UBP1: variants seen among roughly 807,000 people sequenced by gnomAD.
UBP1 encodes upstream-binding protein 1.
UBP1 carries 22 observed loss-of-function variants against 76.1 expected under a neutral mutation model. That is an observed-to-expected ratio of 0.29 (90% CI 0.21 to 0.41). The LOEUF (loss-of-function observed/expected upper bound fraction) is 0.41. Ranked by LOEUF, UBP1 falls within the 10% of genes least tolerant of loss-of-function variation. The pLI, the probability that UBP1 is intolerant of heterozygous loss-of-function variation, is 1.00. For synonymous variants in UBP1, 224 were observed against 237.1 expected, an observed-to-expected ratio of 0.94 and a Z score of 0.51; for missense variants, 436 against 668.1, an observed-to-expected ratio of 0.65 and a Z score of 3.83.
rs1455024534 is a variant in UBP1, at chr3:33,440,015, G to A, written c.-167C>T. The A allele has an allele frequency of 6.6e-6, 4 of 606,872 alleles. No individual in the cohort carries two copies. In the African/African-American group the frequency reaches 7.9e-5, roughly 12 times the overall value. The allele number at this position is 606,872 out of a possible 1,614,324, so 37.6% of individuals were successfully genotyped here. ...GAGAGCTGCGGGGGCCCCACTGGCA[G>A]GGCACGACGAGCCCAGCGAGCAATT... On this transcript the variant is annotated 5_prime_UTR_variant, in exon 1 of 16. Transcript: ENST00000283629.
intron 1 of UBP1, among the ~76,000 whole-genome samples, chr3:33,431,401 C>T (rs1360508296): frequency 1.3e-5 from 2 of 152,094 alleles, no homozygotes; most frequent in Non-Finnish European, 2.9e-5. Context: ...ATAAGAAATA[C>T]ACACCTAAAT....
chr3:33,402,849 G>A lies in UBP1; in HGVS notation c.983C>T (p.Ala328Val), dbSNP rs761777759. 1.2e-5 allele frequency: 20 copies of A among 1,609,012 alleles called. No individual in the cohort carries two copies. The highest frequency in any genetic ancestry group is 8.5e-5 in the Admixed American group (5 of 59,114). ...CTGCTGTGGGGAGGTGAAAGTGGGC[G>A]CTGGGGAAGGGCTGTTATTCACATA... ...TAYVNNSPSP[A>V]PTFTSPQQST... The change falls in exon 9 of 16, where the codon GCG (alanine) becomes GTG (valine). Residue 328 changes from alanine to valine, a missense_variant. By Grantham distance (64) the Ala-to-Val change is moderately conservative. This residue lies in a region of UBP1 where 210 missense variants were observed against 272.8 expected (regional missense o/e 0.77). Coordinates refer to ENST00000283629, the MANE Select transcript of UBP1 (RefSeq NM_014517.5).
chr3:33,392,347 T>C (rs1352539625), intron 15 of UBP1: 3 of 466,224 alleles, frequency 6.4e-6, no homozygotes, highest in Admixed American at 4.2e-5. Flanking sequence ...GCTGAATGAA[T>C]TGAGATTTTT....
intron 5 of UBP1, 48 bp from the exon 6 acceptor site, chr3:33,409,649 T>C: frequency 6.2e-7 from 1 of 1,612,036 alleles, no homozygotes. Flanking sequence ...TTCCACTGGT[T>C]ATTTTTCTAT....
intron 1 of UBP1, among the ~76,000 whole-genome samples, chr3:33,432,193 G>A (rs911488929): frequency 5.3e-5 from 8 of 151,688 alleles, no homozygotes; most frequent in African/African-American, 1.5e-4. Context: ...GCATGGTGGC[G>A]CATACTCATA....
intron 3 of UBP1, among the ~76,000 whole-genome samples, chr3:33,416,422 A>G (rs1211693324): frequency 6.6e-6 from 1 of 152,206 alleles, no homozygotes; most frequent in African/African-American, 2.4e-5. Flanking sequence ...TTTACAAGGT[A>G]AAGGATTTTT....
Position 33,402,850 on chromosome 3 carries a change from C to T in UBP1, c.982G>A (p.Ala328Thr). The change falls in exon 9 of 16, where the codon GCG becomes ACG. Residue 328 changes from alanine to threonine, a missense_variant. Around this residue, in one of 3 missense-constraint regions of UBP1, gnomAD observed 210 missense variants for 272.8 expected, o/e 0.77. Transcript: ENST00000283629. Reference sequence around the variant, plus strand: ...TGCTGTGGGGAGGTGAAAGTGGGCGCTGGGGAAGGGCTGTTATTCACATAG... The same window carrying T: ...TGCTGTGGGGAGGTGAAAGTGGGCGTTGGGGAAGGGCTGTTATTCACATAG... The part of the protein sequence containing the change: ...TAYVNNSPSP[A>T]PTFTSPQQST... 6.2e-7 allele frequency: 1 copy of T among 1,609,060 alleles called. No individual in the cohort carries two copies. The highest frequency in any genetic ancestry group is 8.5e-7 in the Non-Finnish European group (1 of 1,178,244).
In UBP1 at chr3:33,396,202, A is replaced by G. The variant is rs1419736396; in HGVS notation, c.1350T>C (p.Ala450=). The change falls in exon 13 of 16, where the codon GCT becomes GCC. Residue 450 remains alanine (A), a synonymous_variant. Transcript: ENST00000283629. The part of the protein sequence containing the change: ...SSTVLQGQQQ[A]ASSASENGSG... ...TGCCATTCTCGCTTGCACTGCTTGC[A>G]GCTTGCTGCTGCCCTTGCAGCACTG... 6.9e-6 allele frequency: 11 copies of G among 1,595,224 alleles called. No individual in the cohort carries two copies. Among genetic ancestry groups the G allele is most frequent in the Admixed American group, 1.7e-5 (1 of 59,754 alleles).
chr3:33,439,921 G>A lies in UBP1; in HGVS notation c.-73C>T. 2 of 1,554,232 alleles carry A rather than the reference G, an allele frequency of 1.3e-6. No individual in the cohort carries two copies. The highest frequency in any genetic ancestry group is 8.8e-7 in the Non-Finnish European group (1 of 1,138,542). ...GCGAAGGAGCCGGAGCTCCGCTGGC[G>A]CGTCCTGGGGGAGGGCGCGGGTGAA... On this transcript the variant is annotated 5_prime_UTR_variant, in exon 1 of 16. Coordinates refer to ENST00000283629, the MANE Select transcript of UBP1 (RefSeq NM_014517.5).
intron 1 of UBP1, among the ~76,000 whole-genome samples, chr3:33,434,888 C>T (rs1333253595): frequency 2.0e-5 from 3 of 151,698 alleles, no homozygotes; most frequent in Admixed American, 6.6e-5. Context: ...GGTTTCACCA[C>T]GTTGGCCAGG....
chr3:33,401,101 A>G (rs975089519), intron 9 of UBP1, 85 bp from the exon 10 acceptor site: 26 of 1,293,642 alleles, frequency 2.0e-5, no homozygotes, highest in Non-Finnish European at 2.7e-5. Context: ...GTTGCATTGT[A>G]ACTATGCAAA....
At chr3:33,416,637 T>C (rs750188147) in intron 3 of UBP1, 121 bp downstream of exon 3, 4 of 719,418 alleles carry the variant, frequency 5.6e-6, no homozygotes, top group African/African-American at 3.7e-5. Flanking sequence ...AAACAAAATA[T>C]AGCTCATAAA....
chr3:33,427,875 T>TG (rs756855737), intron 1 of UBP1, among the ~76,000 whole-genome samples: 2 of 152,132 alleles, frequency 1.3e-5, no homozygotes, highest in African/African-American at 2.4e-5. Context: ...GCTCCTGCCT[T>TG]GGGGGCAGAT....
chr3:33,426,711 C>G (rs1264803212), intron 1 of UBP1, among the ~76,000 whole-genome samples: 1 of 152,168 alleles, frequency 6.6e-6, no homozygotes, highest in East Asian at 1.9e-4. Flanking sequence ...TGGCTTCTTT[C>G]ACTTAGCATG....
At chr3:33,421,506 G>A (rs2044893444) in intron 2 of UBP1, among the ~76,000 whole-genome samples, 5 of 152,222 alleles carry the variant, frequency 3.3e-5, no homozygotes, top group Admixed American at 2.6e-4. Flanking sequence ...TTAACCTCAC[G>A]TGATCTGCCC....
At chr3:33,427,462 A>G (rs1298197609) in intron 1 of UBP1, among the ~76,000 whole-genome samples, 1 of 152,248 alleles carries the variant, frequency 6.6e-6, no homozygotes, top group African/African-American at 2.4e-5. Flanking sequence ...CAAAACATCA[A>G]ATGAATAACT....
chr3:33,396,098 A>C, intron 13 of UBP1, 64 bp downstream of exon 13: 1 of 1,408,356 alleles, frequency 7.1e-7, no homozygotes, highest in Non-Finnish European at 9.7e-7. Context: ...TGCTCAATCG[A>C]GTCCTTTCCG....
At chr3:33,433,542 A>G (rs1442632169) in intron 1 of UBP1, among the ~76,000 whole-genome samples, 2 of 151,420 alleles carry the variant, frequency 1.3e-5, no homozygotes, top group African/African-American at 4.9e-5. Flanking sequence ...AATCCCAGCT[A>G]CTCAGGAGGC....
chr3:33,414,225 G>A (rs1456828632), intron 3 of UBP1: 7 of 151,112 alleles, frequency 4.6e-5, no homozygotes, highest in South Asian at 2.1e-4. Context: ...AAAAAAGAAC[G>A]GAAAGGAAAA....
Sources: allele counts gnomAD v4.1 joint callset (sites outside exome capture counted in the v4.1 genomes callset), GRCh38; gene constraint gnomAD v4.1.1; regional missense constraint gnomAD v4.1.1; transcripts MANE v1.5; gene names NCBI Gene and HGNC (gene_info 2026-07-23, HGNC 2026-07-21).